Variants in PCLO observed in about 807,000 individuals in gnomAD.
PCLO encodes protein piccolo.
In PCLO, 82 loss-of-function variants were observed where a neutral mutation model predicts 427.5. The ratio of observed to expected loss-of-function variants is 0.19; its 90% CI spans 0.16 to 0.23. The LOEUF (loss-of-function observed/expected upper bound fraction) is 0.23, where lower values mean the gene tolerates loss of function less well. PCLO is among the 10% of genes least tolerant of loss of function. PCLO has a pLI of 1.00. For synonymous variants in PCLO, 2,357 were observed against 2,155.4 expected (o/e 1.09, Z -2.59); for missense variants, 6,239 against 6,115.9 (o/e 1.02, Z -0.67).
intron 3 of PCLO, among the ~76,000 whole-genome samples, chr7:83,012,834 A>T (rs1033078412): frequency 2.6e-4 from 39 of 152,104 alleles, no homozygotes; most frequent in Admixed American, 6.6e-4. Context: ...AATCTGAGAT[A>T]ATAAAACAGA....
chr7:82,956,327 T>C lies in PCLO; in HGVS notation c.4626A>G (p.Lys1542=). ...CCCCTGATCCTTGGCTGTCTTCCTG[T>C]TTATACTCATCACTGCTTGATGAGC... ...SVGSSSSDEY[K]QEDSQGSGEE... is the part of the protein sequence containing the mutation. Residue 1542 remains lysine (K), a synonymous_variant, in exon 5 of 25, where the codon AAA becomes AAG. Transcript: ENST00000333891. 1 of 1,613,130 alleles carries C rather than the reference T, an allele frequency of 6.2e-7. No individual in the cohort carries two copies. Among genetic ancestry groups the C allele is most frequent in the South Asian group, 1.1e-5 (1 of 91,078 alleles).
At chr7:82,855,760 A>G (rs774785962) in intron 10 of PCLO, among the ~76,000 whole-genome samples, 1 of 152,130 alleles carries the variant, frequency 6.6e-6, no homozygotes, top group Non-Finnish European at 1.5e-5. Context: ...GAGATTGATG[A>G]AAAATTATGC....
intron 3 of PCLO, among the ~76,000 whole-genome samples, chr7:83,071,672 T>G (rs1789819676): frequency 6.6e-6 from 1 of 152,138 alleles, no homozygotes; most frequent in Admixed American, 6.6e-5. Context: ...TCATGAATCT[T>G]TCCATTACTA....
At position 83,155,244 on chromosome 7, in the gene PCLO, G is replaced by A; in HGVS notation, c.1397C>T (p.Pro466Leu). 1 of 1,613,638 alleles carries A rather than the reference G, an allele frequency of 6.2e-7. No individual in the cohort carries two copies. The highest frequency in any genetic ancestry group is 8.5e-7 in the Non-Finnish European group (1 of 1,179,806). The change falls in exon 2 of 25, where the codon CCA (proline) becomes CTA (leucine). Residue 466 changes from proline (P) to leucine (L), a missense_variant. Transcript: ENST00000333891. ...AGGCAGTTGTGAAGGAGGCTTTGTT[G>A]GGCCAGTCTGCTGGGCAGAAGTCTT... ...PGKTSAQQTG[P>L]TKPPSQLPGP...
intron 2 of PCLO, among the ~76,000 whole-genome samples, chr7:83,147,148 TA>T (rs1444700028): frequency 1.3e-5 from 2 of 151,870 alleles, no homozygotes; most frequent in Non-Finnish European, 1.5e-5. Context: ...TGTATATGCC[TA>T]GGTGTATATT....
In PCLO at chr7:83,125,719, T is replaced by A. The variant is rs531650148; in HGVS notation, c.3300+8531A>T. On this transcript the variant is annotated intron_variant, in intron 3 of 24. Transcript: ENST00000333891. ...CTTAAGAGTCATCGCCACGCCCTAATCTCAAGTACCCAGGGACACAAACAC... is the reference window on the plus strand; with the variant it reads ...CTTAAGAGTCATCGCCACGCCCTAAACTCAAGTACCCAGGGACACAAACAC... Among the ~76,000 whole-genome samples, 6 of 152,134 alleles carry A rather than the reference T, an allele frequency of 3.9e-5. No individual in the cohort carries two copies. In the South Asian group the frequency reaches 1.2e-3, roughly 32 times the overall value.
chr7:82,783,739 TAAAG>T (rs760764252), intron 22 of PCLO, among the ~76,000 whole-genome samples: 1 of 151,452 alleles, frequency 6.6e-6, no homozygotes, highest in Non-Finnish European at 1.5e-5. Context: ...TAAGAGAACA[TAAAG>T]AATATATCAT....
Position 82,950,924 on chromosome 7 carries a change from C to T in PCLO, c.9664G>A (p.Glu3222Lys). ...CGCTGTTGCTTAATTTTCTCCAGTT[C>T]CAGGAGCTCACGCTCCAAGTCTAGC... ...QQLDLERELL[E>K]LEKIKQQRFA... Residue 3222 changes from glutamate (E) to lysine (K), a missense_variant, in exon 6 of 25, where the codon GAA becomes AAA. Glu to Lys is a moderately conservative substitution (Grantham distance 56). This residue lies in a region of PCLO where 4,677 missense variants were observed against 4,468.4 expected (regional missense o/e 1.05). Coordinates refer to ENST00000333891, the MANE Select transcript of PCLO (RefSeq NM_033026.6). 6.2e-7 allele frequency: 1 copy of T among 1,613,432 alleles called. No homozygotes were observed. Among genetic ancestry groups the T allele is most frequent in the Non-Finnish European group, 8.5e-7 (1 of 1,179,858 alleles).
intron 3 of PCLO, among the ~76,000 whole-genome samples, chr7:82,997,408 G>A (rs1787650486): frequency 6.6e-6 from 1 of 151,844 alleles, no homozygotes; most frequent in South Asian, 2.1e-4. Flanking sequence ...TTTCTGCTAT[G>A]TTTACAGAAA....
chr7:83,136,514 C>T (rs12707562), intron 2 of PCLO, among the ~76,000 whole-genome samples: 1 of 151,882 alleles, frequency 6.6e-6, no homozygotes, highest in Non-Finnish European at 1.5e-5. Context: ...TTACTCCCCC[C>T]TCCCAGGTGA....
chr7:82,908,621 A>G (rs1794248586), intron 8 of PCLO, among the ~76,000 whole-genome samples: 1 of 152,080 alleles, frequency 6.6e-6, no homozygotes, highest in Admixed American at 6.6e-5. Flanking sequence ...TGTGCTGGAT[A>G]TGTTATACAA....
chr7:83,118,374 A>G (rs1791185978), intron 3 of PCLO, among the ~76,000 whole-genome samples: 1 of 152,290 alleles, frequency 6.6e-6, no homozygotes, highest in Non-Finnish European at 1.5e-5. Context: ...GCATCTTCGT[A>G]AGAGCCAAAA....
rs977589837 is a variant in PCLO, at chr7:82,950,167, G to C, written c.10421C>G (p.Thr3474Ser). ...TKKSVDTSVQ[T>S]DDEDQDEWDM... is the part of the protein sequence containing the mutation. Reference sequence around the variant, plus strand: ...CCACTCATCCTGATCTTCATCATCAGTTTGGACGCTTGTATCCACACTCTT... The same window carrying C: ...CCACTCATCCTGATCTTCATCATCACTTTGGACGCTTGTATCCACACTCTT... Residue 3474 changes from threonine to serine, a missense_variant, in exon 6 of 25, where the codon ACT (threonine) becomes AGT (serine). By Grantham distance (58) the Thr-to-Ser change is moderately conservative (BLOSUM62 1). Around this residue, in one of 5 missense-constraint regions of PCLO, gnomAD observed 4,677 missense variants for 4,468.4 expected, o/e 1.05. Transcript: ENST00000333891. The C allele has an allele frequency of 6.2e-7, 1 of 1,610,782 alleles. No homozygotes were observed. Among genetic ancestry groups the C allele is most frequent in the African/African-American group, 1.4e-5 (1 of 73,740 alleles).
chr7:82,914,104 G>T (rs1406967524), intron 7 of PCLO, among the ~76,000 whole-genome samples: 1 of 151,816 alleles, frequency 6.6e-6, no homozygotes, highest in Non-Finnish European at 1.5e-5. Context: ...AGATAAAACA[G>T]AAATCTTTTA....
chr7:82,769,977 G>C (rs554877287), intron 22 of PCLO, among the ~76,000 whole-genome samples: 1 of 152,082 alleles, frequency 6.6e-6, no homozygotes, highest in East Asian at 1.9e-4. Flanking sequence ...TAATTGTGTT[G>C]GTTTACTTAG....
chr7:82,896,898 C>A (rs1474024806), intron 9 of PCLO, among the ~76,000 whole-genome samples: 4 of 151,624 alleles, frequency 2.6e-5, no homozygotes, highest in Non-Finnish European at 5.9e-5. Flanking sequence ...TCTAGCCTTG[C>A]AGATGTAGCC....
chr7:82,898,407 T>G (rs147793044), intron 9 of PCLO, among the ~76,000 whole-genome samples: 1 of 151,640 alleles, frequency 6.6e-6, no homozygotes, highest in Non-Finnish European at 1.5e-5. Context: ...AAATTATTTT[T>G]GTTTTCCTAA....
In PCLO at chr7:83,006,149, A is replaced by G. The variant is rs535571759; in HGVS notation, c.3301-39662T>C. Among the ~76,000 whole-genome samples, 31 of 151,794 alleles carry G rather than the reference A, an allele frequency of 2.0e-4. 1 individual carries two copies. In the South Asian group the frequency reaches 6.4e-3, roughly 31 times the overall value. Reference sequence around the variant, plus strand: ...AATAACAGCACCAGCAACTTTTGATAGAAAAGAGCCACAGCTTTAAAAATA... The same window carrying G: ...AATAACAGCACCAGCAACTTTTGATGGAAAAGAGCCACAGCTTTAAAAATA... On this transcript the variant is annotated intron_variant, in intron 3 of 24. Coordinates refer to ENST00000333891, the MANE Select transcript of PCLO (RefSeq NM_033026.6).
intron 3 of PCLO, among the ~76,000 whole-genome samples, chr7:83,008,265 CTTCTT>C (rs1175707622): frequency 6.6e-6 from 1 of 151,606 alleles, no homozygotes; most frequent in South Asian, 2.1e-4. Context: ...GCCTAAATAT[CTTCTT>C]TTAAGGTCAA....
Sources: gnomAD v4.1 joint callset for allele counts (sites outside exome capture counted in the v4.1 genomes callset) on GRCh38, gnomAD v4.1.1 for gene constraint, gnomAD v4.1.1 regional missense constraint, MANE v1.5 for transcripts, NCBI Gene and HGNC (gene_info 2026-07-23, HGNC 2026-07-21) for gene names.